Variants in AUTS2 observed in about 807,000 individuals in gnomAD.
The protein encoded by AUTS2 is autism susceptibility gene 2 protein.
A neutral mutation model predicts 112.4 loss-of-function variants in AUTS2; 17 were observed. That is an observed-to-expected ratio of 0.15 (90% CI 0.10 to 0.23). The LOEUF is 0.23. AUTS2 is among the 10% of genes least tolerant of loss of function. AUTS2 has a pLI of 1.00. For missense variants in AUTS2, 1,510 were observed against 1,701.6 expected (o/e 0.89, Z 1.98); for synonymous variants, 751 against 702.7 (o/e 1.07, Z -1.09).
chr7:69,937,471 A>G (rs1034546536), intron 2 of AUTS2, among the ~76,000 whole-genome samples: 2 of 152,176 alleles, frequency 1.3e-5, no homozygotes, highest in Admixed American at 1.3e-4. Flanking sequence ...AGGGAACAGA[A>G]AAGAGAGTAC....
chr7:69,729,307 G>C (rs777228910), intron 1 of AUTS2, among the ~76,000 whole-genome samples: 1 of 151,362 alleles, frequency 6.6e-6, no homozygotes, highest in East Asian at 1.9e-4. Context: ...ACACATACTC[G>C]CATGCACACA....
At chr7:70,277,958 A>ATGTGTGTGTG (rs35350185) in intron 4 of AUTS2, among the ~76,000 whole-genome samples, 1 of 92,276 alleles carries the variant, frequency 1.1e-5, no homozygotes, top group African/African-American at 4.2e-5. Context: ...GTATGTATGT[A>ATGTGTGTGTG]TGTGTGTGTG....
At chr7:69,997,900 G>A (rs1481659110) in intron 2 of AUTS2, among the ~76,000 whole-genome samples, 1 of 152,180 alleles carries the variant, frequency 6.6e-6, no homozygotes, top group Non-Finnish European at 1.5e-5. Context: ...CAGTGGAAAT[G>A]AGAATCAGGT....
At chr7:69,700,313 G>T (rs1276845687) in intron 1 of AUTS2, among the ~76,000 whole-genome samples, 1 of 151,690 alleles carries the variant, frequency 6.6e-6, no homozygotes, top group African/African-American at 2.4e-5. Context: ...TTTTCTATTT[G>T]ATTATTGCTA....
intron 1 of AUTS2, among the ~76,000 whole-genome samples, chr7:69,709,510 G>A (rs146555314): frequency 6.6e-6 from 1 of 152,272 alleles, no homozygotes; most frequent in Non-Finnish European, 1.5e-5. Flanking sequence ...CTGGCCATTC[G>A]CATAGTTTGG....
At chr7:69,685,111 T>C (rs971286418) in intron 1 of AUTS2, among the ~76,000 whole-genome samples, 1 of 152,198 alleles carries the variant, frequency 6.6e-6, no homozygotes, top group Non-Finnish European at 1.5e-5. Flanking sequence ...AGGGCCTCTG[T>C]GCTGTGAGTC....
At chr7:70,133,954 T>C (rs899632375) in intron 3 of AUTS2, among the ~76,000 whole-genome samples, 1 of 152,118 alleles carries the variant, frequency 6.6e-6, no homozygotes, top group East Asian at 1.9e-4. Flanking sequence ...GCCCACACAT[T>C]CTCTGCATTT....
At chr7:70,220,452 T>TC in intron 4 of AUTS2, among the ~76,000 whole-genome samples, 1 of 152,262 alleles carries the variant, frequency 6.6e-6, no homozygotes, top group East Asian at 1.9e-4. Context: ...CAAAGTCCCT[T>TC]CCCTGATGAA....
intron 5 of AUTS2, among the ~76,000 whole-genome samples, chr7:70,474,460 C>T (rs2115992282): frequency 1.3e-5 from 2 of 152,306 alleles, no homozygotes; most frequent in South Asian, 2.1e-4. Context: ...GTCCTCATTG[C>T]TCCCTAAAAC....
At chr7:70,321,407 G>A (rs1022005883) in intron 4 of AUTS2, among the ~76,000 whole-genome samples, 1 of 152,044 alleles carries the variant, frequency 6.6e-6, no homozygotes, top group Non-Finnish European at 1.5e-5. Flanking sequence ...AATCTTGTTG[G>A]CCTCCTTTAA....
intron 4 of AUTS2, among the ~76,000 whole-genome samples, chr7:70,145,178 T>C (rs1271078542): frequency 3.3e-5 from 5 of 152,152 alleles, no homozygotes; most frequent in Non-Finnish European, 5.9e-5. Context: ...CCATTGGTGA[T>C]TCTTATCTGG....
At chr7:69,850,357 C>A (rs1279444198) in intron 1 of AUTS2, among the ~76,000 whole-genome samples, 2 of 132,106 alleles carry the variant, frequency 1.5e-5, no homozygotes, top group Admixed American at 8.9e-5. Flanking sequence ...CCGGATCATG[C>A]TACTGCACTC....
At chr7:70,048,274 C>G (rs1411696197) in intron 2 of AUTS2, among the ~76,000 whole-genome samples, 1 of 152,166 alleles carries the variant, frequency 6.6e-6, no homozygotes, top group African/African-American at 2.4e-5. Flanking sequence ...TTCTGTATCT[C>G]CATTACATCA....
chr7:70,082,559 T>C (rs1803373648), intron 2 of AUTS2, among the ~76,000 whole-genome samples: 1 of 152,190 alleles, frequency 6.6e-6, no homozygotes, highest in Non-Finnish European at 1.5e-5. Context: ...TCAAGAACAG[T>C]ATATGGTTGG....
chr7:70,215,394 A>G (rs1418528145), intron 4 of AUTS2, among the ~76,000 whole-genome samples: 1 of 152,226 alleles, frequency 6.6e-6, no homozygotes, highest in African/African-American at 2.4e-5. Flanking sequence ...CATAATTAGC[A>G]AAGTTCCACA....
chr7:70,632,668 GCTCTCTGAATCTTATTGCCTTTTTATGT>G (rs1805324880), intron 5 of AUTS2, among the ~76,000 whole-genome samples: 1 of 151,994 alleles, frequency 6.6e-6, no homozygotes, highest in African/African-American at 2.4e-5. Flanking sequence ...TCCTAAGAGT[GCTCTCTGAATCTTATTGCCTTTTTATGT>G]CTCTCTTGGG....
intron 6 of AUTS2, among the ~76,000 whole-genome samples, chr7:70,720,316 G>A (rs1379890465): frequency 3.3e-5 from 5 of 151,986 alleles, no homozygotes; most frequent in African/African-American, 4.8e-5. Context: ...AAGTACACCC[G>A]CTGCCTCGGG....
intron 2 of AUTS2, among the ~76,000 whole-genome samples, chr7:70,072,398 C>T (rs1802816829): frequency 1.3e-5 from 2 of 152,176 alleles, no homozygotes; most frequent in Admixed American, 6.5e-5. Flanking sequence ...AGGCCATTCA[C>T]AGCTGTTGTC....
At chr7:69,751,994 T>A (rs1787757399) in intron 1 of AUTS2, among the ~76,000 whole-genome samples, 1 of 152,224 alleles carries the variant, frequency 6.6e-6, no homozygotes. Context: ...TTTTTTTTGA[T>A]GACTATTATC....
Sources: gnomAD v4.1 joint callset for allele counts (sites outside exome capture counted in the v4.1 genomes callset) on GRCh38, gnomAD v4.1.1 for gene constraint, MANE v1.5 for transcripts, NCBI Gene and HGNC (gene_info 2026-07-23, HGNC 2026-07-21) for gene names.